The following FPR3 variants were observed in gnomAD, a reference collection of about 807,000 sequenced individuals.
The protein encoded by FPR3 is N-formyl peptide receptor 3.
For synonymous variants in FPR3, 135 were observed against 163.6 expected (o/e 0.83, Z 1.34); for missense variants, 346 against 443.2 (o/e 0.78, Z 1.97).
At position 51,801,697 on chromosome 19, in the gene FPR3, C is replaced by T. The variant is rs547179549; in HGVS notation, c.-11+6366C>T. ...TCAGGAGGCTGAGGCAGGACAATTG[C>T]TTGAACCTGGGAGGTGGAGGTTGCA... On this transcript the variant is annotated intron_variant, in intron 1 of 1. Coordinates refer to ENST00000339223, the MANE Select transcript of FPR3 (RefSeq NM_002030.5). 5.9e-5 allele frequency among the ~76,000 whole-genome samples: 9 copies of T among 152,284 alleles called. No homozygotes were observed. In the South Asian group the frequency reaches 1.7e-3, roughly 28 times the overall value.
chr19:51,810,728 C>A (rs1599834490), intron 1 of FPR3, among the ~76,000 whole-genome samples: 1 of 152,314 alleles, frequency 6.6e-6, no homozygotes, highest in East Asian at 1.9e-4. Context: ...ACGCATAGCA[C>A]CAAACACAGA....
At chr19:51,821,301 C>T (rs2084186984) in intron 1 of FPR3, among the ~76,000 whole-genome samples, 1 of 152,216 alleles carries the variant, frequency 6.6e-6, no homozygotes, top group African/African-American at 2.4e-5. Context: ...GCCCAGTGTT[C>T]TTTACTCTGT....
At position 51,824,808 on chromosome 19, in the gene FPR3, T is replaced by C; in HGVS notation, c.1060T>C (p.Ter354ArgextTer15). Residue 354 changes from the stop codon to arginine, a stop_lost, in exon 2 of 2, where the codon TGA becomes CGA. Transcript: ENST00000339223. This position sits in a 1 kb window ranked among gnomAD's most constrained non-coding sequence, Gnocchi z 4.7. ...PPEETELQAM[*>R] ...TGAGGAGACGGAGTTACAAGCAATG[T>C]GAGGTCGGGGATATTTTTGGGCTCT... is the stretch of plus-strand genomic sequence containing the variant. 1.2e-6 allele frequency: 2 copies of C among 1,603,888 alleles called. No homozygotes were observed. The highest frequency in any genetic ancestry group is 1.7e-6 in the Non-Finnish European group (2 of 1,174,262).
intron 1 of FPR3, among the ~76,000 whole-genome samples, chr19:51,818,942 C>T (rs2084166924): frequency 6.6e-6 from 1 of 152,118 alleles, no homozygotes; most frequent in Non-Finnish European, 1.5e-5. Flanking sequence ...ATAGCAGGAC[C>T]AGGAACAAAC....
chr19:51,818,524 A>G (rs1299735624), intron 1 of FPR3, among the ~76,000 whole-genome samples: 1 of 152,246 alleles, frequency 6.6e-6, no homozygotes, highest in Non-Finnish European at 1.5e-5. Context: ...TAAGAAAAGC[A>G]TCTGGTGACA....
rs2084221784 is a variant in FPR3, at chr19:51,824,954, G to T, written c.*144G>T. On this transcript the variant is annotated 3_prime_UTR_variant, in exon 2 of 2. Transcript: ENST00000339223. This position sits in a 1 kb window ranked among gnomAD's most constrained non-coding sequence, Gnocchi z 4.7. ...GAAGTCTGTACCAAATCTGTAGGGG[G>T]TTTTTCCCACAACCAAGCAATAGAC... The T allele has an allele frequency of 1.5e-6, 1 of 687,244 alleles. No individual in the cohort carries two copies. The allele number at this position is 687,244 out of a possible 1,614,324, so 42.6% of individuals were successfully genotyped here. A position where few individuals can be genotyped will look rare whatever the true frequency, so the allele number is the denominator to read the frequency against.
chr19:51,802,498 T>A (rs2084031320), intron 1 of FPR3, among the ~76,000 whole-genome samples: 1 of 152,164 alleles, frequency 6.6e-6, no homozygotes, highest in South Asian at 2.1e-4. Flanking sequence ...TGCCCCCCAA[T>A]TTGAGAGTAA....
rs1056777554 is a variant in FPR3 at position 51,824,822 on chromosome 19, T to C, written c.*12T>C. 6.3e-7 allele frequency: 1 copy of C among 1,591,098 alleles called. No individual in the cohort carries two copies. The highest frequency in any genetic ancestry group is 1.8e-5 in the Admixed American group (1 of 56,552). On this transcript the variant is annotated 3_prime_UTR_variant, in exon 2 of 2. Coordinates refer to ENST00000339223, the MANE Select transcript of FPR3 (RefSeq NM_002030.5). The surrounding 1 kb of genome is among the most constrained non-coding windows in gnomAD (Gnocchi z 4.7). ...TACAAGCAATGTGAGGTCGGGGATA[T>C]TTTTGGGCTCTGTCTCTTTCTACCC...
intron 1 of FPR3, among the ~76,000 whole-genome samples, chr19:51,810,511 A>G (rs2084088909): frequency 6.6e-6 from 1 of 152,190 alleles, no homozygotes; most frequent in Non-Finnish European, 1.5e-5. Flanking sequence ...ACTGCTGATA[A>G]GCAGCGTCTG....
chr19:51,813,540 CTT>C (rs1018282779), intron 1 of FPR3, among the ~76,000 whole-genome samples: 42 of 151,218 alleles, frequency 2.8e-4, no homozygotes, highest in African/African-American at 9.7e-4. Flanking sequence ...GGATGTTTTC[CTT>C]TTTTTTGAGA....
At chr19:51,803,425 G>C (rs2084037827) in intron 1 of FPR3, among the ~76,000 whole-genome samples, 1 of 151,980 alleles carries the variant, frequency 6.6e-6, no homozygotes, top group South Asian at 2.1e-4. Flanking sequence ...TGATGCACTG[G>C]CAAAAGACAC....
intron 1 of FPR3, among the ~76,000 whole-genome samples, chr19:51,815,538 C>T (rs928350070): frequency 1.5e-4 from 22 of 147,744 alleles, no homozygotes; most frequent in African/African-American, 5.3e-4. Context: ...CACTGCACTC[C>T]AGCCTGAGGG....
intron 1 of FPR3, among the ~76,000 whole-genome samples, chr19:51,812,768 G>A (rs1346968727): frequency 1.3e-5 from 2 of 152,082 alleles, no homozygotes; most frequent in Non-Finnish European, 2.9e-5. Flanking sequence ...CATTTAATTC[G>A]TCTCTTAGTC....
chr19:51,801,238 G>A (rs980471679), intron 1 of FPR3, among the ~76,000 whole-genome samples: 6 of 151,998 alleles, frequency 3.9e-5, no homozygotes, highest in Non-Finnish European at 8.8e-5. Context: ...AATTTATGAA[G>A]AAACTTCTAG....
intron 1 of FPR3, among the ~76,000 whole-genome samples, chr19:51,809,864 C>T (rs754967007): frequency 2.5e-4 from 38 of 152,020 alleles, no homozygotes; most frequent in Admixed American, 6.6e-4. Context: ...ATGCCTGGAA[C>T]GGGGTTGAGG....
rs150944177 is a variant in FPR3 at position 51,823,899 on chromosome 19, G to A, written c.151G>A (p.Ala51Thr). Residue 51 changes from alanine (A) to threonine (T), a missense_variant, in exon 2 of 2, where the codon GCT (alanine) becomes ACT (threonine). Ala to Thr is a moderately conservative substitution (Grantham distance 58). Transcript: ENST00000339223. ...GGGCAATGGGCTTGTGATCTGGGTG[G>A]CTGGATTCCGGATGACACGCACAGT... is the stretch of plus-strand genomic sequence containing the variant. ...VLGNGLVIWV[A>T]GFRMTRTVNT... The A allele has an allele frequency of 6.2e-5, 100 of 1,613,982 alleles. No homozygotes were observed. Among genetic ancestry groups the A allele is most frequent in the Non-Finnish European group, 2.0e-5 (24 of 1,180,004 alleles).
At chr19:51,814,026 C>A (rs562749968) in intron 1 of FPR3, among the ~76,000 whole-genome samples, 1 of 152,248 alleles carries the variant, frequency 6.6e-6, no homozygotes, top group South Asian at 2.1e-4. Flanking sequence ...AAATGAAAAC[C>A]AATTTTTATT....
chr19:51,805,795 C>T lies in FPR3; in HGVS notation c.-11+10464C>T, dbSNP rs1310049269. Among the ~76,000 whole-genome samples the T allele has an allele frequency of 3.3e-5, 5 of 152,212 alleles. No homozygotes were observed. In the East Asian group the frequency reaches 5.8e-4, roughly 18 times the overall value. On this transcript the variant is annotated intron_variant, in intron 1 of 1. Transcript: ENST00000339223. The stretch of plus-strand genomic sequence containing the variant: ...GAAGTTATTAGTGTGACCAAGGAAA[C>T]GATAGCAAAAATTATCATGCCTAAG...
At chr19:51,815,087 G>A (rs2084125551) in intron 1 of FPR3, among the ~76,000 whole-genome samples, 1 of 152,122 alleles carries the variant, frequency 6.6e-6, no homozygotes, top group African/African-American at 2.4e-5. Context: ...TGGGATTGCA[G>A]GCGCGAGCCA....
Sources: gnomAD v4.1 joint callset for allele counts (sites outside exome capture counted in the v4.1 genomes callset) on GRCh38, gnomAD v4.1.1 for gene constraint, Gnocchi (gnomAD v3.1) non-coding constraint, MANE v1.5 for transcripts, NCBI Gene and HGNC (gene_info 2026-07-23, HGNC 2026-07-21) for gene names.